The following HERC4 variants were observed in gnomAD, a reference collection of about 807,000 sequenced individuals.
HERC4 encodes the protein HECT and RLD domain containing E3 ubiquitin protein ligase 4.
In HERC4, 28 loss-of-function variants were observed where a neutral mutation model predicts 124.3. The observed-to-expected ratio is 0.23, with a 90% CI of 0.17 to 0.31. HERC4 has a LOEUF of 0.31. Ranked by LOEUF, HERC4 falls within the 10% of genes least tolerant of loss-of-function variation. The probability of loss-of-function intolerance (pLI) is 1.00; values close to 1 mark genes in which losing one functional copy is unlikely to be tolerated. For missense variants in HERC4, 713 were observed against 1,229.3 expected (o/e 0.58, Z 6.28); for synonymous variants, 407 against 421.5 (o/e 0.97, Z 0.42).
Position 67,939,597 on chromosome 10 carries a change from A to G in HERC4, c.2562T>C (p.Leu854=), listed in dbSNP as rs1457717428. Residue 854 remains leucine, a synonymous_variant, in exon 21 of 25, where the codon CTT becomes CTC. Coordinates refer to ENST00000373700, the MANE Select transcript of HERC4 (RefSeq NM_015601.4). ...TGTCCTTCCATCTTACCGTAAAATTAAGACAAAATGTTTCCTCTATGTCAT... is the reference window on the plus strand; with the variant it reads ...TGTCCTTCCATCTTACCGTAAAATTGAGACAAAATGTTTCCTCTATGTCAT... ...PEDDIEETFC[L]NFTITVENFG... is the part of the protein sequence containing the mutation. 1.2e-6 allele frequency: 2 copies of G among 1,603,914 alleles called. No homozygotes were observed. The highest frequency in any genetic ancestry group is 1.3e-5 in the African/African-American group (1 of 74,736).
Position 67,936,154 on chromosome 10 carries a change from G to T in HERC4, c.2653C>A (p.Arg885=). 6.4e-7 allele frequency: 1 copy of T among 1,573,180 alleles called. No individual in the cohort carries two copies. Among genetic ancestry groups the T allele is most frequent in the Non-Finnish European group, 8.6e-7 (1 of 1,162,574 alleles). Residue 885 remains arginine (R), a splice_region_variant and synonymous_variant, in exon 22 of 25, where the codon CGG becomes AGG. Transcript: ENST00000373700. ...GADTAVNKQN[R]QEFVDAYVDY... ...CTGTTGCTGCTAAAATTCACTTACC[G>T]ATTTTGTTTGTTAACAGCTGTGTCT...
intron 20 of HERC4, 50 bp downstream of exon 20, chr10:67,940,889 C>T (rs545626241): frequency 6.7e-7 from 1 of 1,498,658 alleles, no homozygotes; most frequent in South Asian, 1.3e-5. Context: ...ACCTTCCCCA[C>T]TTTTTACCTC....
intron 5 of HERC4, 141 bp from the exon 6 acceptor site, chr10:68,034,327 A>G (rs919437217): frequency 4.6e-6 from 3 of 645,792 alleles, no homozygotes; most frequent in Non-Finnish European, 7.9e-6. Flanking sequence ...TATAAATATT[A>G]TTTTTAGCAA....
chr10:68,073,242 C>T, intron 2 of HERC4, 56 bp from the exon 3 acceptor site: 2 of 637,320 alleles, frequency 3.1e-6, no homozygotes, highest in Non-Finnish European at 2.7e-6. Flanking sequence ...TGTATAATTG[C>T]TCTTTCAAGT....
At chr10:68,062,250 C>T (rs1589458003) in intron 3 of HERC4, among the ~76,000 whole-genome samples, 1 of 152,154 alleles carries the variant, frequency 6.6e-6, no homozygotes, top group African/African-American at 2.4e-5. Context: ...AATCTTTTAA[C>T]TTGCCTCTTA....
At chr10:67,942,607 G>A (rs1236414151) in intron 19 of HERC4, among the ~76,000 whole-genome samples, 1 of 152,058 alleles carries the variant, frequency 6.6e-6, no homozygotes. Context: ...CACCTCCTCG[G>A]TTCAAGTGAT....
At chr10:68,026,746 G>C (rs1322744182) in intron 7 of HERC4, among the ~76,000 whole-genome samples, 1 of 152,126 alleles carries the variant, frequency 6.6e-6, no homozygotes, top group African/African-American at 2.4e-5. Flanking sequence ...GGGAGGCTGA[G>C]GCAGGAGAAT....
At chr10:67,958,895 T>C (rs1351818554) in intron 16 of HERC4, among the ~76,000 whole-genome samples, 2 of 152,214 alleles carry the variant, frequency 1.3e-5, no homozygotes, top group African/African-American at 4.8e-5. Flanking sequence ...AGGCATCATA[T>C]AGGTGTAATG....
At chr10:67,975,159 A>C (rs1178080684) in intron 15 of HERC4, among the ~76,000 whole-genome samples, 1 of 152,100 alleles carries the variant, frequency 6.6e-6, no homozygotes, top group African/African-American at 2.4e-5. Flanking sequence ...ATTGCACTCC[A>C]GCCTGGGTGA....
chr10:67,986,472 C>G (rs375109214), intron 15 of HERC4, among the ~76,000 whole-genome samples: 3 of 152,186 alleles, frequency 2.0e-5, no homozygotes, highest in African/African-American at 7.2e-5. Context: ...CTTGCCTTAG[C>G]CTCCTGGGTA....
intron 15 of HERC4, among the ~76,000 whole-genome samples, chr10:67,984,040 G>A (rs916900825): frequency 3.9e-5 from 6 of 151,974 alleles, no homozygotes; most frequent in Non-Finnish European, 7.4e-5. Context: ...GGTGGCTCAC[G>A]CCCGTAATCC....
At chr10:68,069,718 T>C (rs1210541583) in intron 3 of HERC4, 1 of 985,364 alleles carries the variant, frequency 1.0e-6, no homozygotes, top group African/African-American at 1.7e-5. Context: ...GTTCCCTCCA[T>C]TCCATGTGCT....
chr10:67,942,715 T>TG (rs2033016476), intron 19 of HERC4, among the ~76,000 whole-genome samples: 1 of 152,166 alleles, frequency 6.6e-6, no homozygotes, highest in Admixed American at 6.5e-5. Context: ...TTCTCCATGT[T>TG]GGTCAGGCTG....
At chr10:67,974,241 G>A (rs1408518757) in intron 15 of HERC4, among the ~76,000 whole-genome samples, 2 of 151,878 alleles carry the variant, frequency 1.3e-5, no homozygotes, top group African/African-American at 2.4e-5. Flanking sequence ...CCTTAAAGGA[G>A]ACAACTATAA....
chr10:67,985,114 G>C (rs2036187654), intron 15 of HERC4, among the ~76,000 whole-genome samples: 1 of 152,116 alleles, frequency 6.6e-6, no homozygotes, highest in Non-Finnish European at 1.5e-5. Context: ...TTTTCTCCAG[G>C]AAGTCTTCCT....
chr10:67,953,293 C>G (rs2033931231), intron 19 of HERC4, among the ~76,000 whole-genome samples: 1 of 152,104 alleles, frequency 6.6e-6, no homozygotes, highest in East Asian at 1.9e-4. Flanking sequence ...TAGAGTATAA[C>G]AATTTTAAAT....
At position 68,059,630 on chromosome 10, in the gene HERC4, CATA is replaced by C. The variant is rs1257828507; in HGVS notation, c.226+13250_226+13252del. 4.2e-3 allele frequency among the ~76,000 whole-genome samples: 305 copies of C among 72,342 alleles called. 47 individuals carry two copies. The highest frequency in any genetic ancestry group is 7.8e-3 in the Middle Eastern group (1 of 128). The allele number at this position is 72,342 out of a possible 152,430, so 47.5% of individuals were successfully genotyped here. A position where few individuals can be genotyped will look rare whatever the true frequency, so the allele number is the denominator to read the frequency against. ...TATTATATATCATAATATTATATAT[CATA>C]ATATTATATATTATATTATATATCA... On this transcript the variant is annotated intron_variant, in intron 3 of 24. Transcript: ENST00000373700.
intron 3 of HERC4, among the ~76,000 whole-genome samples, chr10:68,065,517 C>T (rs1177305307): frequency 1.3e-5 from 2 of 151,996 alleles, no homozygotes; most frequent in African/African-American, 4.8e-5. Context: ...GCAAATAAAA[C>T]TTATGGTTTA....
chr10:68,059,561 C>CATAATATTATAT lies in HERC4; in HGVS notation c.226+13310_226+13321dup, dbSNP rs1564607595. On this transcript the variant is annotated intron_variant, in intron 3 of 24. Coordinates refer to ENST00000373700, the MANE Select transcript of HERC4 (RefSeq NM_015601.4). ...TCATATTATATATCATAATATATAT[C>CATAATATTATAT]ATAATATTATATATCATATTATATA... Among the ~76,000 whole-genome samples the CATAATATTATAT allele has an allele frequency of 3.9e-4, 27 of 69,356 alleles. 1 individual carries two copies. The highest frequency in any genetic ancestry group is 3.2e-3 in the South Asian group (8 of 2,474). The allele number at this position is 69,356 out of a possible 152,430, so 45.5% of individuals were successfully genotyped here. A position where few individuals can be genotyped will look rare whatever the true frequency, so the allele number is the denominator to read the frequency against.
Sources: allele counts gnomAD v4.1 joint callset (sites outside exome capture counted in the v4.1 genomes callset), GRCh38; gene constraint gnomAD v4.1.1; transcripts MANE v1.5; gene names NCBI Gene and HGNC (gene_info 2026-07-23, HGNC 2026-07-21).